Variants in TNIP2 observed in about 807,000 individuals in gnomAD.
TNIP2 encodes the protein TNFAIP3 interacting protein 2, also known as TNFAIP3-interacting protein 2.
In TNIP2, 30 loss-of-function variants were observed where a neutral mutation model predicts 43.7. The observed-to-expected ratio is 0.69, with a 90% CI of 0.51 to 0.93. The LOEUF (loss-of-function observed/expected upper bound fraction) is 0.93, where lower values mean the gene tolerates loss of function less well. Among genes scored for constraint, TNIP2 ranks in the 40% least tolerant of loss-of-function variants. The probability of loss-of-function intolerance (pLI) is 0.00; values close to 1 mark genes in which losing one functional copy is unlikely to be tolerated. For missense variants in TNIP2, 599 were observed against 591.0 expected (o/e 1.01, Z -0.14); for synonymous variants, 260 against 254.6 (o/e 1.02, Z -0.20).
Position 2,742,414 on chromosome 4 carries a change from C to G in TNIP2, c.1133G>C (p.Gly378Ala). 1.2e-6 allele frequency: 2 copies of G among 1,612,722 alleles called. No individual in the cohort carries two copies. Among genetic ancestry groups the G allele is most frequent in the Middle Eastern group, 3.3e-4 (2 of 6,054 alleles). Residue 378 changes from glycine (G) to alanine (A), a missense_variant, in exon 6 of 6, where the codon GGG (glycine) becomes GCG (alanine). Transcript: ENST00000315423. ...GGGTTCTGGCTGCTGGGACCCAGTC[C>G]CAGGCCTCCAGCCACCAGGCACCAT... ...ELMVPGGWRPGTGSQQPEPPA... is the reference protein window; with the variant it reads ...ELMVPGGWRPATGSQQPEPPA...
intron 3 of TNIP2, 113 bp downstream of exon 3, chr4:2,745,333 G>C: frequency 2.5e-6 from 2 of 788,816 alleles, no homozygotes; most frequent in Non-Finnish European, 4.3e-6. Flanking sequence ...TGTGTATCAA[G>C]TCCTAGTGGC....
chr4:2,744,959 G>A lies in TNIP2; in HGVS notation c.658-14C>T. The stretch of plus-strand genomic sequence containing the variant: ...GAGGTCTTCAACCTGAAGAGGTGGA[G>A]CCGGAAAGCTCACGGTGAAGGCAGC... On this transcript the variant is annotated splice_polypyrimidine_tract_variant and intron_variant, in intron 3 of 5. Transcript: ENST00000315423. The surrounding 1 kb of genome is among the most constrained non-coding windows in gnomAD (Gnocchi z 5.1). 1 of 1,594,174 alleles carries A rather than the reference G, an allele frequency of 6.3e-7. No individual in the cohort carries two copies. The highest frequency in any genetic ancestry group is 8.6e-7 in the Non-Finnish European group (1 of 1,165,734).
At chr4:2,743,210 G>C (rs3733226) in intron 5 of TNIP2, among the ~76,000 whole-genome samples, 1 of 152,080 alleles carries the variant, frequency 6.6e-6, no homozygotes, top group Admixed American at 6.5e-5. Context: ...GCCATCTAGG[G>C]ACTGAGCAAC....
intron 1 of TNIP2, among the ~76,000 whole-genome samples, chr4:2,749,379 T>C (rs1722045253): frequency 1.3e-5 from 2 of 152,184 alleles, no homozygotes; most frequent in Admixed American, 6.5e-5. Context: ...AAACCTCCCA[T>C]TCCCCGGTAT....
At chr4:2,751,053 A>G (rs1003005658) in intron 1 of TNIP2, among the ~76,000 whole-genome samples, 1 of 152,200 alleles carries the variant, frequency 6.6e-6, no homozygotes, top group Non-Finnish European at 1.5e-5. Context: ...CCAGCCCTGC[A>G]AAGGGCTGCC....
At position 2,741,967 on chromosome 4, in the gene TNIP2, C is replaced by T. The variant is rs1721797612; in HGVS notation, c.*290G>A. Reference sequence around the variant, plus strand: ...GCTGGGGGAGGGGCTGGCACACCAGCACCAGATAGCTCTGGCTTAAGCCTG... The same window carrying T: ...GCTGGGGGAGGGGCTGGCACACCAGTACCAGATAGCTCTGGCTTAAGCCTG... On this transcript the variant is annotated 3_prime_UTR_variant, in exon 6 of 6. Transcript: ENST00000315423. 3 of 296,554 alleles carry T rather than the reference C, an allele frequency of 1.0e-5. No individual in the cohort carries two copies. Among genetic ancestry groups the T allele is most frequent in the Non-Finnish European group, 1.9e-5 (3 of 160,718 alleles). 18.4% of individuals were successfully genotyped at this position (296,554 alleles called of 1,614,324 possible).
Position 2,744,764 on chromosome 4 carries a change from T to C in TNIP2, c.839A>G (p.Gln280Arg), listed in dbSNP as rs148030802. The C allele has an allele frequency of 3.8e-4, 611 of 1,610,690 alleles. 2 individuals are homozygous for C. The African/African-American group carries it at 6.8e-3, about 18-fold the overall frequency. The change falls in exon 4 of 6, where the codon CAG becomes CGG. Residue 280 changes from glutamine to arginine, a missense_variant. Transcript: ENST00000315423. The surrounding 1 kb of genome is among the most constrained non-coding windows in gnomAD (Gnocchi z 5.1). Reference sequence around the variant, plus strand: ...GGCCGTCCTGGAGGCCGCCAGCTCCTGCTTCACTTCGGCACAGTCATTTAT... The same window carrying C: ...GGCCGTCCTGGAGGCCGCCAGCTCCCGCTTCACTTCGGCACAGTCATTTAT... ...EKINDCAEVK[Q>R]ELAASRTARD...
Position 2,745,473 on chromosome 4 carries a change from A to G in TNIP2, c.630T>C (p.Asn210=). The G allele has an allele frequency of 1.9e-6, 3 of 1,613,874 alleles. No individual in the cohort carries two copies. Among genetic ancestry groups the G allele is most frequent in the Non-Finnish European group, 2.5e-6 (3 of 1,179,906 alleles). The change falls in exon 3 of 6, where the codon AAT becomes AAC. Residue 210 remains asparagine (N), a synonymous_variant. Transcript: ENST00000315423. ...QSVIEKLQEE[N]RLLKQKVTHV... ...GAGTCACCTTCTGTTTTAACAGTCGATTTTCTTCCTGCAACTTCTCAATAA... is the reference window on the plus strand; with the variant it reads ...GAGTCACCTTCTGTTTTAACAGTCGGTTTTCTTCCTGCAACTTCTCAATAA...
At chr4:2,751,947 T>C (rs1406747556) in intron 1 of TNIP2, among the ~76,000 whole-genome samples, 1 of 144,324 alleles carries the variant, frequency 6.9e-6, no homozygotes, top group South Asian at 2.2e-4. Flanking sequence ...CTACTAAAGA[T>C]ACAAAAAATT....
intron 1 of TNIP2, among the ~76,000 whole-genome samples, chr4:2,748,716 AT>A (rs1722021196): frequency 7.5e-6 from 1 of 133,920 alleles, no homozygotes; most frequent in Non-Finnish European, 1.6e-5. Context: ...CTAATCTCGA[AT>A]TCCTGACCTT....
At position 2,742,134 on chromosome 4, in the gene TNIP2, G is replaced by A. The variant is rs574887073; in HGVS notation, c.*123C>T. 8.2e-5 allele frequency: 82 copies of A among 996,162 alleles called. No individual in the cohort carries two copies. Among genetic ancestry groups the A allele is most frequent in the African/African-American group, 1.3e-4 (8 of 59,344 alleles). The allele number at this position is 996,162 out of a possible 1,614,324, so 61.7% of individuals were successfully genotyped here. ...CCAAAGTGAACGATCAGAGTGCCCC[G>A]CAACTATTCTAGGGGCCTTGGCTCT... On this transcript the variant is annotated 3_prime_UTR_variant, in exon 6 of 6. Coordinates refer to ENST00000315423, the MANE Select transcript of TNIP2 (RefSeq NM_024309.4).
chr4:2,756,176 G>T lies in TNIP2; in HGVS notation c.114C>A (p.Leu38=), dbSNP rs905024229. 5 of 1,478,004 alleles carry T rather than the reference G, an allele frequency of 3.4e-6. No homozygotes were observed. The highest frequency in any genetic ancestry group is 4.5e-6 in the Non-Finnish European group (5 of 1,122,424). 91.6% of individuals were successfully genotyped at this position (1,478,004 alleles called of 1,614,324 possible). ...GQRLRRLQDQ[L]AARDALIARL... Reference sequence around the variant, plus strand: ...GAGCGATGAGGGCGTCGCGGGCAGCGAGCTGGTCCTGCAGGCGGCGCAGCC... The same window carrying T: ...GAGCGATGAGGGCGTCGCGGGCAGCTAGCTGGTCCTGCAGGCGGCGCAGCC... Residue 38 remains leucine, a synonymous_variant, in exon 1 of 6, where the codon CTC becomes CTA. Transcript: ENST00000315423.
Position 2,747,934 on chromosome 4 carries a change from C to T in TNIP2, c.288G>A (p.Arg96=). The part of the protein sequence containing the change: ...AEAQMRQEIE[R]LTERLEEKER... Reference sequence around the variant, plus strand: ...CTTTTTCTTCTAGTCGCTCAGTCAGCCTCTCAATTTCCTAAGTGGAAGATT... The same window carrying T: ...CTTTTTCTTCTAGTCGCTCAGTCAGTCTCTCAATTTCCTAAGTGGAAGATT... Residue 96 remains arginine (R), a synonymous_variant, in exon 2 of 6, where the codon AGG becomes AGA. Transcript: ENST00000315423. The T allele has an allele frequency of 6.2e-7, 1 of 1,611,538 alleles. No homozygotes were observed. The highest frequency in any genetic ancestry group is 1.3e-5 in the African/African-American group (1 of 75,038).
At position 2,744,097 on chromosome 4, in the gene TNIP2, A is replaced by G. The variant is rs1721869977; in HGVS notation, c.1026+290T>C. ...GAGCTCACACTTTGAGGCCCGAGAT[A>G]TGCTCTCTGACTGCATGACAGTGAC... On this transcript the variant is annotated intron_variant, in intron 5 of 5. Coordinates refer to ENST00000315423, the MANE Select transcript of TNIP2 (RefSeq NM_024309.4). This position sits in a 1 kb window ranked among gnomAD's most constrained non-coding sequence, Gnocchi z 5.1. 6.6e-6 allele frequency among the ~76,000 whole-genome samples: 1 copy of G among 152,218 alleles called. No individual in the cohort carries two copies. The highest frequency in any genetic ancestry group is 6.5e-5 in the Admixed American group (1 of 15,286).
chr4:2,756,252 G>T lies in TNIP2; in HGVS notation c.38C>A (p.Ala13Asp), dbSNP rs1005196687. The T allele has an allele frequency of 6.9e-6, 10 of 1,443,538 alleles. No individual in the cohort carries two copies. In the African/African-American group the frequency reaches 1.5e-4, roughly 21 times the overall value. The allele number at this position is 1,443,538 out of a possible 1,614,324, so 89.4% of individuals were successfully genotyped here. A position where few individuals can be genotyped will look rare whatever the true frequency, so the allele number is the denominator to read the frequency against. Reference sequence around the variant, plus strand: ...GCAGAGCGCGGCAGCTGCGCGCGGGGCCTCCTCCCAGCCGCCCGACCCCGG... The same window carrying T: ...GCAGAGCGCGGCAGCTGCGCGCGGGTCCTCCTCCCAGCCGCCCGACCCCGG... ...RDPGSGGWEE[A>D]PRAAAALCTL... Residue 13 changes from alanine to aspartate, a missense_variant, in exon 1 of 6, where the codon GCC (alanine) becomes GAC (aspartate). Transcript: ENST00000315423.
At chr4:2,747,238 G>A (rs1045678968) in intron 2 of TNIP2, among the ~76,000 whole-genome samples, 12 of 152,340 alleles carry the variant, frequency 7.9e-5, no homozygotes, top group African/African-American at 2.9e-4. Flanking sequence ...GGAGTTTGGG[G>A]TGTGGAACTG....
At chr4:2,748,845 G>A (rs993867925) in intron 1 of TNIP2, among the ~76,000 whole-genome samples, 1 of 149,468 alleles carries the variant, frequency 6.7e-6, no homozygotes, top group East Asian at 2.0e-4. Context: ...CCAGGCTAGA[G>A]TGCAGTGGCA....
chr4:2,749,639 G>C (rs1340519384), intron 1 of TNIP2, among the ~76,000 whole-genome samples: 1 of 152,154 alleles, frequency 6.6e-6, no homozygotes, highest in Non-Finnish European at 1.5e-5. Flanking sequence ...TCCTTCCCTA[G>C]AACCTTGAGA....
rs760597239 is a variant in TNIP2, at chr4:2,756,028, C to T, written c.262G>A (p.Ala88Thr). Reference sequence around the variant, plus strand: ...CGCCCTCGTACCTGGCGCATCTGGGCCTCGGCGGCGCCGCCCTCCTGCCTT... The same window carrying T: ...CGCCCTCGTACCTGGCGCATCTGGGTCTCGGCGGCGCCGCCCTCCTGCCTT... The part of the protein sequence containing the change: ...LRRQEGGAAE[A>T]QMRQEIERLT... Residue 88 changes from alanine to threonine, a missense_variant, in exon 1 of 6, where the codon GCC (alanine) becomes ACC (threonine). Transcript: ENST00000315423. 1.9e-6 allele frequency: 3 copies of T among 1,549,628 alleles called. No individual in the cohort carries two copies. The highest frequency in any genetic ancestry group is 2.6e-6 in the Non-Finnish European group (3 of 1,159,438).
Sources: gnomAD v4.1 joint callset for allele counts (sites outside exome capture counted in the v4.1 genomes callset) on GRCh38, gnomAD v4.1.1 for gene constraint, Gnocchi (gnomAD v3.1) non-coding constraint, MANE v1.5 for transcripts, NCBI Gene and HGNC (gene_info 2026-07-23, HGNC 2026-07-21) for gene names.